The following ADAMTS6 variants were observed in gnomAD, a reference collection of about 807,000 sequenced individuals.
ADAMTS6 encodes A disintegrin and metalloproteinase with thrombospondin motifs 6.
ADAMTS6 carries 23 observed loss-of-function variants against 144.3 expected under a neutral mutation model. That is an observed-to-expected ratio of 0.16 (90% CI 0.11 to 0.23). The LOEUF (loss-of-function observed/expected upper bound fraction) is 0.23. Ranked by LOEUF, ADAMTS6 falls within the 10% of genes least tolerant of loss-of-function variation. ADAMTS6 has a pLI of 1.00. For missense variants in ADAMTS6, 999 were observed against 1,379.6 expected, an observed-to-expected ratio of 0.72 and a Z score of 4.37; for synonymous variants, 444 against 457.5, an observed-to-expected ratio of 0.97 and a Z score of 0.38.
At chr5:65,462,160 A>G (rs968384501) in intron 3 of ADAMTS6, among the ~76,000 whole-genome samples, 1 of 152,230 alleles carries the variant, frequency 6.6e-6, no homozygotes, top group South Asian at 2.1e-4. Context: ...ATACCTCAGT[A>G]TGAAGTACTT....
chr5:65,371,708 T>C (rs181814301), intron 7 of ADAMTS6, among the ~76,000 whole-genome samples: 1,549 of 152,194 alleles, frequency 0.01, 15 homozygotes, highest in East Asian at 0.031. Flanking sequence ...CAGGATATTA[T>C]CCAGGAGAAC....
At chr5:65,442,830 C>T (rs1757967475) in intron 7 of ADAMTS6, among the ~76,000 whole-genome samples, 1 of 152,148 alleles carries the variant, frequency 6.6e-6, no homozygotes, top group Admixed American at 6.5e-5. Flanking sequence ...TCTCCCTCCC[C>T]TTCCCCTACC....
intron 11 of ADAMTS6, among the ~76,000 whole-genome samples, chr5:65,275,425 AAAG>A (rs1762450303): frequency 6.8e-6 from 1 of 146,998 alleles, no homozygotes; most frequent in Non-Finnish European, 1.5e-5. Flanking sequence ...GAAAAGAAAG[AAAG>A]AAAGAAAAGA....
intron 10 of ADAMTS6, among the ~76,000 whole-genome samples, chr5:65,293,410 T>A (rs968140915): frequency 1.3e-5 from 2 of 152,122 alleles, no homozygotes; most frequent in African/African-American, 2.4e-5. Context: ...GTGCAGGATA[T>A]ATTCACCTAA....
chr5:65,411,983 T>C (rs751525722), intron 7 of ADAMTS6, among the ~76,000 whole-genome samples: 2 of 152,142 alleles, frequency 1.3e-5, no homozygotes, highest in Non-Finnish European at 2.9e-5. Context: ...ATTTATTGAG[T>C]CATAATTTAA....
intron 7 of ADAMTS6, among the ~76,000 whole-genome samples, chr5:65,419,289 T>G (rs1755813878): frequency 6.6e-6 from 1 of 152,178 alleles, no homozygotes; most frequent in Non-Finnish European, 1.5e-5. Flanking sequence ...AGCAAATTAA[T>G]GCAGGAACAC....
intron 18 of ADAMTS6, among the ~76,000 whole-genome samples, chr5:65,221,717 G>A (rs951909268): frequency 5.9e-5 from 9 of 152,098 alleles, no homozygotes; most frequent in Non-Finnish European, 8.8e-5. Context: ...TTTGTTCGAG[G>A]ATGACATGAT....
At chr5:65,244,568 T>C (rs1342493193) in intron 14 of ADAMTS6, among the ~76,000 whole-genome samples, 1 of 152,148 alleles carries the variant, frequency 6.6e-6, no homozygotes, top group Non-Finnish European at 1.5e-5. Context: ...AGATTAACAA[T>C]AACAATAGCG....
At chr5:65,449,681 C>T (rs1209709637) in intron 7 of ADAMTS6, among the ~76,000 whole-genome samples, 1 of 151,678 alleles carries the variant, frequency 6.6e-6, no homozygotes. Context: ...AAATCTCAAA[C>T]ATCAAAAAGG....
At position 65,274,676 on chromosome 5, in the gene ADAMTS6, TTTTG is replaced by T. The variant is rs746385107; in HGVS notation, c.1513-1233_1513-1230del. Among the ~76,000 whole-genome samples the T allele has an allele frequency of 2.9e-3, 432 of 149,432 alleles. 3 individuals carry two copies. The highest frequency in any genetic ancestry group is 3.5e-3 in the Non-Finnish European group (237 of 67,186). Reference sequence around the variant, plus strand: ...GGAGATATATAGTGTCTATTAAGGTTTTTGTTTGTTTGTTTGTTTGTTTTCTGAG... The same window carrying T: ...GGAGATATATAGTGTCTATTAAGGTTTTTGTTTGTTTGTTTGTTTTCTGAG... On this transcript the variant is annotated intron_variant, in intron 11 of 24. Coordinates refer to ENST00000381055, the MANE Select transcript of ADAMTS6 (RefSeq NM_197941.4).
intron 4 of ADAMTS6, among the ~76,000 whole-genome samples, chr5:65,453,213 T>G (rs920235498): frequency 1.5e-4 from 23 of 152,180 alleles, no homozygotes; most frequent in Non-Finnish European, 7.4e-5. Flanking sequence ...AATTACATCT[T>G]AATACATTTA....
chr5:65,465,432 T>C (rs1411256057), intron 3 of ADAMTS6, among the ~76,000 whole-genome samples: 13 of 144,534 alleles, frequency 9.0e-5, no homozygotes, highest in Non-Finnish European at 4.5e-5. Flanking sequence ...AGAACTTCAT[T>C]CCAGCACCCC....
rs1344987750 is a variant in ADAMTS6, at chr5:65,196,611, T to G, written c.2705+411A>C. On this transcript the variant is annotated intron_variant, in intron 21 of 24. Transcript: ENST00000381055. ...AAAGACAGGAGTGTAAATAAATCACTATATTTTATTACATCTAAGACTTTT... is the reference window on the plus strand; with the variant it reads ...AAAGACAGGAGTGTAAATAAATCACGATATTTTATTACATCTAAGACTTTT... Among the ~76,000 whole-genome samples the G allele has an allele frequency of 2.1e-5, 3 of 145,518 alleles. No individual in the cohort carries two copies. The Admixed American group carries it at 2.1e-4, about 10-fold the overall frequency.
intron 15 of ADAMTS6, among the ~76,000 whole-genome samples, chr5:65,236,817 C>G (rs1231381344): frequency 6.6e-6 from 1 of 151,604 alleles, no homozygotes; most frequent in Non-Finnish European, 1.5e-5. Flanking sequence ...ACTATAAGAG[C>G]AAAAATTAAT....
intron 20 of ADAMTS6, among the ~76,000 whole-genome samples, chr5:65,208,759 T>C (rs1012695574): frequency 2.0e-5 from 3 of 152,180 alleles, no homozygotes; most frequent in Non-Finnish European, 4.4e-5. Context: ...GAACCACCTG[T>C]CACCAAAAAG....
rs993021498 is a variant in ADAMTS6, at chr5:65,196,922, A to G, written c.2705+100T>C. The G allele has an allele frequency of 5.0e-6, 7 of 1,399,562 alleles. No homozygotes were observed. In the Admixed American group the frequency reaches 1.6e-4, roughly 32 times the overall value. 86.7% of individuals were successfully genotyped at this position (1,399,562 alleles called of 1,614,324 possible). A position where few individuals can be genotyped will look rare whatever the true frequency, so the allele number is the denominator to read the frequency against. ...GATGTTTTCTACCTTTTTTCAGCCTAATTTATTCTCATCATATAAATATAT... is the reference window on the plus strand; with the variant it reads ...GATGTTTTCTACCTTTTTTCAGCCTGATTTATTCTCATCATATAAATATAT... On this transcript the variant is annotated intron_variant, in intron 21 of 24. Transcript: ENST00000381055.
intron 24 of ADAMTS6, among the ~76,000 whole-genome samples, chr5:65,164,018 G>C (rs564456917): frequency 1.8e-3 from 278 of 152,330 alleles, no homozygotes; most frequent in Non-Finnish European, 3.4e-3. Flanking sequence ...AACAGACAGA[G>C]GGGGAGGAGC....
intron 7 of ADAMTS6, among the ~76,000 whole-genome samples, chr5:65,422,638 A>T (rs968754979): frequency 5.1e-5 from 5 of 97,830 alleles, no homozygotes; most frequent in Middle Eastern, 4.2e-3. Context: ...AAAAATAAAT[A>T]AAAAAATTAA....
chr5:65,302,352 T>C (rs1254520336), intron 9 of ADAMTS6, among the ~76,000 whole-genome samples: 1 of 146,112 alleles, frequency 6.8e-6, no homozygotes, highest in African/African-American at 2.5e-5. Flanking sequence ...ATAATATGTG[T>C]ATTATATGTT....
Sources: gnomAD v4.1 joint callset for allele counts (sites outside exome capture counted in the v4.1 genomes callset) on GRCh38, gnomAD v4.1.1 for gene constraint, MANE v1.5 for transcripts, NCBI Gene and HGNC (gene_info 2026-07-23, HGNC 2026-07-21) for gene names.